CDYL2: variants seen among roughly 807,000 people sequenced by gnomAD.
The protein encoded by CDYL2 is chromodomain Y like 2, also known as chromodomain Y-like protein 2.
A neutral mutation model predicts 49.4 loss-of-function variants in CDYL2; 23 were observed. The observed-to-expected ratio is 0.47, with a 90% CI of 0.34 to 0.66. The LOEUF is 0.66. CDYL2 is among the 30% of genes least tolerant of loss of function. CDYL2 has a pLI of 0.01. For missense variants in CDYL2, 678 were observed against 656.4 expected (o/e 1.03, Z -0.36); for synonymous variants, 360 against 268.8 (o/e 1.34, Z -3.32).
intron 1 of CDYL2, among the ~76,000 whole-genome samples, chr16:80,780,542 T>G (rs919418075): frequency 2.0e-5 from 3 of 151,484 alleles, no homozygotes; most frequent in Admixed American, 1.3e-4. Flanking sequence ...GTAGCTGGGA[T>G]TACAGGCACC....
At chr16:80,769,220 G>C (rs8055721) in intron 1 of CDYL2, among the ~76,000 whole-genome samples, 1 of 152,056 alleles carries the variant, frequency 6.6e-6, no homozygotes, top group Non-Finnish European at 1.5e-5. Flanking sequence ...TTCTGGGATA[G>C]GATCGCATTC....
At chr16:80,755,671 A>C (rs1906287169) in intron 1 of CDYL2, among the ~76,000 whole-genome samples, 1 of 152,278 alleles carries the variant, frequency 6.6e-6, no homozygotes. Context: ...TGCTCATCAC[A>C]GAGTTACAAA....
chr16:80,702,218 A>ACACACACACACACACACACACAC (rs397797316), intron 1 of CDYL2, among the ~76,000 whole-genome samples: 1 of 151,496 alleles, frequency 6.6e-6, no homozygotes, highest in Admixed American at 6.6e-5. Flanking sequence ...ACACACACAC[A>ACACACACACACACACACACACAC]AAACTATAAA....
Position 80,608,157 on chromosome 16 carries a change from A to G in CDYL2, c.1297T>C (p.Trp433Arg). Residue 433 changes from tryptophan (W) to arginine (R), a missense_variant, in exon 6 of 7, where the codon TGG becomes CGG. Trp to Arg is a moderately radical substitution (Grantham distance 101). Transcript: ENST00000570137. ...ACCTCCTGGCTGAACGTGGTGGGCC[A>G]GAAGACCTGCGACACCAGCCCCCTG... ...CSRGLVSQVF[W>R]PTTFSQEVML... 1.2e-6 allele frequency: 2 copies of G among 1,605,692 alleles called. No homozygotes were observed. Among genetic ancestry groups the G allele is most frequent in the Non-Finnish European group, 1.7e-6 (2 of 1,176,310 alleles).
intron 1 of CDYL2, among the ~76,000 whole-genome samples, chr16:80,701,534 C>G (rs1383422253): frequency 6.6e-6 from 1 of 151,924 alleles, no homozygotes; most frequent in Admixed American, 6.6e-5. Flanking sequence ...GAAAAATGAG[C>G]ACATTCCAAA....
intron 2 of CDYL2, among the ~76,000 whole-genome samples, chr16:80,677,583 A>G (rs1909804073): frequency 6.6e-6 from 1 of 151,772 alleles, no homozygotes; most frequent in Non-Finnish European, 1.5e-5. Context: ...TAAAAATACA[A>G]AAAAAATCAG....
At chr16:80,697,607 A>G (rs2142495821) in intron 1 of CDYL2, among the ~76,000 whole-genome samples, 1 of 152,310 alleles carries the variant, frequency 6.6e-6, no homozygotes, top group East Asian at 1.9e-4. Context: ...AGGGGCATGC[A>G]AACTGGAAAC....
rs117357023 is a variant in CDYL2 at position 80,615,289 on chromosome 16, C to T, written c.1008-2453G>A. Among the ~76,000 whole-genome samples the T allele has an allele frequency of 9.9e-5, 15 of 152,228 alleles. No homozygotes were observed. The East Asian group carries it at 2.3e-3, about 24-fold the overall frequency. The stretch of plus-strand genomic sequence containing the variant: ...TTTTGCAAGTGCTTTTCACTGAAAG[C>T]AATTTGGGGTCTGCGGGGGATATGG... On this transcript the variant is annotated intron_variant, in intron 4 of 6. Transcript: ENST00000570137.
intron 1 of CDYL2, among the ~76,000 whole-genome samples, chr16:80,711,175 G>A (rs954581805): frequency 6.6e-6 from 1 of 152,228 alleles, no homozygotes; most frequent in Non-Finnish European, 1.5e-5. Context: ...AACCAGGTGG[G>A]AGGATTTGTT....
chr16:80,749,216 AAAC>A (rs1480338091), intron 1 of CDYL2, among the ~76,000 whole-genome samples: 2 of 152,234 alleles, frequency 1.3e-5, no homozygotes, highest in Non-Finnish European at 2.9e-5. Flanking sequence ...ATGATTTAAA[AAAC>A]AACAGAACAC....
intron 2 of CDYL2, chr16:80,670,868 G>C: frequency 6.6e-6 from 3 of 455,652 alleles, no homozygotes; most frequent in South Asian, 3.1e-5. Flanking sequence ...TCTATACACA[G>C]CATAGTCAGG....
intron 1 of CDYL2, among the ~76,000 whole-genome samples, chr16:80,743,482 C>G (rs1905819806): frequency 1.9e-5 from 1 of 51,388 alleles, no homozygotes; most frequent in African/African-American, 3.5e-5. Flanking sequence ...AGCAGCACTT[C>G]AACCTGGAAC....
chr16:80,621,002 G>A (rs1907061838), intron 3 of CDYL2, 67 bp from the exon 4 acceptor site: 2 of 1,450,990 alleles, frequency 1.4e-6, no homozygotes, highest in South Asian at 2.9e-5. Context: ...CTTTCAGACT[G>A]CAAGACAGCC....
At chr16:80,731,899 G>C (rs1905338026) in intron 1 of CDYL2, among the ~76,000 whole-genome samples, 1 of 140,042 alleles carries the variant, frequency 7.1e-6, no homozygotes. Context: ...ACACATAAGA[G>C]ATGCAGCACA....
chr16:80,743,491 AC>A (rs1158351901), intron 1 of CDYL2, among the ~76,000 whole-genome samples: 1 of 11,018 alleles, frequency 9.1e-5, no homozygotes, highest in Non-Finnish European at 2.4e-3. Context: ...TCAACCTGGA[AC>A]TGGGGTGTAT....
intron 1 of CDYL2, among the ~76,000 whole-genome samples, chr16:80,712,718 G>T (rs1904662344): frequency 6.6e-6 from 1 of 152,102 alleles, no homozygotes; most frequent in African/African-American, 2.4e-5. Context: ...TACAGCTCTG[G>T]GATGAATGGG....
intron 1 of CDYL2, among the ~76,000 whole-genome samples, chr16:80,739,621 G>A (rs1247683908): frequency 6.6e-6 from 1 of 152,258 alleles, no homozygotes; most frequent in East Asian, 1.9e-4. Flanking sequence ...CCCTAGCACT[G>A]CCTCCCAGGA....
intron 1 of CDYL2, among the ~76,000 whole-genome samples, chr16:80,762,854 C>T (rs1906579314): frequency 6.6e-6 from 1 of 152,104 alleles, no homozygotes; most frequent in Admixed American, 6.5e-5. Flanking sequence ...TGTCATGTGC[C>T]TAAGGACAGA....
At chr16:80,647,427 G>A (rs960815127) in intron 2 of CDYL2, among the ~76,000 whole-genome samples, 1 of 152,024 alleles carries the variant, frequency 6.6e-6, no homozygotes, top group Non-Finnish European at 1.5e-5. Context: ...CAAAACTGCA[G>A]GAATCACATT....
Sources: allele counts gnomAD v4.1 joint callset (sites outside exome capture counted in the v4.1 genomes callset), GRCh38; gene constraint gnomAD v4.1.1; transcripts MANE v1.5; gene names NCBI Gene and HGNC (gene_info 2026-07-23, HGNC 2026-07-21).